KCNQ5: variants seen among roughly 807,000 people sequenced by gnomAD.
The protein encoded by KCNQ5 is potassium voltage-gated channel subfamily KQT member 5.
In KCNQ5, 30 loss-of-function variants were observed where a neutral mutation model predicts 98.2. The ratio of observed to expected loss-of-function variants is 0.31; its 90% CI spans 0.23 to 0.41. The LOEUF (loss-of-function observed/expected upper bound fraction) is 0.41. Ranked by LOEUF, KCNQ5 falls within the 10% of genes least tolerant of loss-of-function variation. The probability of loss-of-function intolerance (pLI) is 1.00; values close to 1 mark genes in which losing one functional copy is unlikely to be tolerated. For synonymous variants in KCNQ5, 458 were observed against 449.4 expected, an observed-to-expected ratio of 1.02 and a Z score of -0.24; for missense variants, 835 against 1,182.5, an observed-to-expected ratio of 0.71 and a Z score of 4.31.
At chr6:73,106,730 C>A (rs1420651279) in intron 6 of KCNQ5, among the ~76,000 whole-genome samples, 2 of 152,202 alleles carry the variant, frequency 1.3e-5, no homozygotes, top group African/African-American at 4.8e-5. Context: ...GGGATTAGGA[C>A]TTCAACATAT....
chr6:72,789,515 T>G (rs1162652033), intron 1 of KCNQ5, among the ~76,000 whole-genome samples: 4 of 152,216 alleles, frequency 2.6e-5, no homozygotes, highest in Non-Finnish European at 5.9e-5. Flanking sequence ...CTGTAAGGAA[T>G]ATTTTTCAGT....
chr6:73,061,619 C>T (rs969994902), intron 3 of KCNQ5, among the ~76,000 whole-genome samples: 1 of 152,110 alleles, frequency 6.6e-6, no homozygotes, highest in African/African-American at 2.4e-5. Context: ...GCTGAAGTAA[C>T]ATAGAATGGC....
intron 1 of KCNQ5, among the ~76,000 whole-genome samples, chr6:72,877,777 A>T (rs745625825): frequency 6.6e-6 from 1 of 152,186 alleles, no homozygotes; most frequent in Non-Finnish European, 1.5e-5. Flanking sequence ...ATGAGATGGT[A>T]TCTTGTTGTT....
At chr6:73,083,496 T>TA (rs1773861834) in intron 5 of KCNQ5, among the ~76,000 whole-genome samples, 1 of 152,116 alleles carries the variant, frequency 6.6e-6, no homozygotes, top group African/African-American at 2.4e-5. Context: ...AAGTTAATTT[T>TA]AAAAAACATT....
intron 1 of KCNQ5, among the ~76,000 whole-genome samples, chr6:72,997,809 A>T (rs1374605081): frequency 6.6e-6 from 1 of 150,504 alleles, no homozygotes; most frequent in Non-Finnish European, 1.5e-5. Context: ...AAAAAAAAAA[A>T]AATTCACAGA....
At chr6:72,636,107 GA>G (rs2098923969) in intron 1 of KCNQ5, among the ~76,000 whole-genome samples, 2 of 152,056 alleles carry the variant, frequency 1.3e-5, no homozygotes, top group African/African-American at 4.8e-5. Flanking sequence ...TGACTACTTT[GA>G]AAGTTGACTA....
At chr6:72,743,041 T>C (rs1771209259) in intron 1 of KCNQ5, among the ~76,000 whole-genome samples, 1 of 152,184 alleles carries the variant, frequency 6.6e-6, no homozygotes, top group South Asian at 2.1e-4. Context: ...TTTAAAATTG[T>C]CCATGTGAAA....
At chr6:72,837,006 G>A (rs1776534159) in intron 1 of KCNQ5, among the ~76,000 whole-genome samples, 1 of 152,148 alleles carries the variant, frequency 6.6e-6, no homozygotes, top group African/African-American at 2.4e-5. Flanking sequence ...GATAGAATAT[G>A]GAACTGGGTG....
chr6:73,157,840 A>G (rs1777429244), intron 10 of KCNQ5: 1 of 779,570 alleles, frequency 1.3e-6, no homozygotes. Flanking sequence ...GGCAAACTCT[A>G]GCCTCATGAT....
chr6:73,046,777 G>A (rs1236860571), intron 3 of KCNQ5, among the ~76,000 whole-genome samples: 1 of 151,862 alleles, frequency 6.6e-6, no homozygotes, highest in East Asian at 1.9e-4. Flanking sequence ...CGAGTAGCTG[G>A]GACTACAGGC....
intron 1 of KCNQ5, among the ~76,000 whole-genome samples, chr6:72,973,980 G>A: frequency 6.6e-6 from 1 of 152,022 alleles, no homozygotes; most frequent in East Asian, 1.9e-4. Context: ...TGACATAAAG[G>A]TACATTTATG....
chr6:72,810,781 GA>G (rs142297081), intron 1 of KCNQ5, among the ~76,000 whole-genome samples: 1 of 151,776 alleles, frequency 6.6e-6, no homozygotes, highest in Non-Finnish European at 1.5e-5. Flanking sequence ...GTTGAAGTCA[GA>G]AAAAAAACTC....
chr6:72,866,566 A>G (rs1201773516), intron 1 of KCNQ5, among the ~76,000 whole-genome samples: 2 of 152,130 alleles, frequency 1.3e-5, no homozygotes. Context: ...AGCCATCTCC[A>G]TCTTTATCCT....
chr6:72,703,861 A>G (rs1768945150), intron 1 of KCNQ5, among the ~76,000 whole-genome samples: 1 of 152,200 alleles, frequency 6.6e-6, no homozygotes. Context: ...AAATTTGTAA[A>G]ACTACTCATT....
At chr6:73,171,381 A>G (rs1439826407) in intron 11 of KCNQ5, among the ~76,000 whole-genome samples, 1 of 152,124 alleles carries the variant, frequency 6.6e-6, no homozygotes, top group Admixed American at 6.5e-5. Context: ...TGGACAATCA[A>G]TTATATGGTC....
At chr6:73,043,427 G>A (rs899579957) in intron 3 of KCNQ5, among the ~76,000 whole-genome samples, 7 of 152,184 alleles carry the variant, frequency 4.6e-5, no homozygotes, top group Admixed American at 3.9e-4. Context: ...CTAAGGTATG[G>A]AGCAAAGTCG....
chr6:72,815,936 A>AT (rs1214650832), intron 1 of KCNQ5, among the ~76,000 whole-genome samples: 1 of 152,118 alleles, frequency 6.6e-6, no homozygotes, highest in Non-Finnish European at 1.5e-5. Flanking sequence ...CTCATGAGAG[A>AT]TTTTCAGTGG....
intron 9 of KCNQ5, among the ~76,000 whole-genome samples, chr6:73,130,609 G>T (rs1242369008): frequency 6.6e-6 from 1 of 152,136 alleles, no homozygotes. Flanking sequence ...AAAAAGGCAG[G>T]AAAATAATGA....
At chr6:73,180,240 G>C (rs1293421197) in intron 11 of KCNQ5, among the ~76,000 whole-genome samples, 1 of 152,168 alleles carries the variant, frequency 6.6e-6, no homozygotes, top group Non-Finnish European at 1.5e-5. Flanking sequence ...AACTCTGCCA[G>C]CGCCCAGCAG....
Sources: allele counts gnomAD v4.1 joint callset (sites outside exome capture counted in the v4.1 genomes callset), GRCh38; gene constraint gnomAD v4.1.1; transcripts MANE v1.5; gene names NCBI Gene and HGNC (gene_info 2026-07-23, HGNC 2026-07-21).